PDE3A: variants seen among roughly 807,000 people sequenced by gnomAD.
PDE3A encodes the protein phosphodiesterase 3A, also known as cGMP-inhibited 3',5'-cyclic phosphodiesterase 3A.
In PDE3A, 43 loss-of-function variants were observed where a neutral mutation model predicts 98.3. That is an observed-to-expected ratio of 0.44 (90% CI 0.34 to 0.56). PDE3A has a LOEUF of 0.56. Ranked by LOEUF, PDE3A falls within the 20% of genes least tolerant of loss-of-function variation. The pLI, the probability that PDE3A is intolerant of heterozygous loss-of-function variation, is 0.01. For missense variants in PDE3A, 1,427 were observed against 1,440.7 expected, an observed-to-expected ratio of 0.99 and a Z score of 0.15; for synonymous variants, 663 against 567.9, an observed-to-expected ratio of 1.17 and a Z score of -2.38.
At chr12:20,373,736 G>T (rs1943522091) in intron 1 of PDE3A, among the ~76,000 whole-genome samples, 1 of 152,040 alleles carries the variant, frequency 6.6e-6, no homozygotes, top group Non-Finnish European at 1.5e-5. Flanking sequence ...TTTTGGGATG[G>T]ATACAACATC....
chr12:20,556,691 G>A lies in PDE3A; in HGVS notation c.992G>A (p.Arg331Gln), dbSNP rs180961472. 22 of 1,609,458 alleles carry A rather than the reference G, an allele frequency of 1.4e-5. No individual in the cohort carries two copies. Among genetic ancestry groups the A allele is most frequent in the Middle Eastern group, 1.7e-4 (1 of 6,058 alleles). ...GGGCATTCAGAATGGGACCACAAAC[G>A]AGGGCCAAGAGGATCACAGGTAAGT... ...LMGHSEWDHKRGPRGSQSSGT... is the reference protein window; with the variant it reads ...LMGHSEWDHKQGPRGSQSSGT... Residue 331 changes from arginine (R) to glutamine (Q), a missense_variant, in exon 2 of 16, where the codon CGA becomes CAA. Physicochemically the swap from Arg to Gln is conservative, Grantham distance 43. Around this residue, in one of 3 missense-constraint regions of PDE3A, gnomAD observed 1,012 missense variants for 886.5 expected, o/e 1.14. Transcript: ENST00000359062.
intron 1 of PDE3A, among the ~76,000 whole-genome samples, chr12:20,373,976 T>G (rs530465639): frequency 6.6e-6 from 1 of 152,292 alleles, no homozygotes; most frequent in East Asian, 1.9e-4. Flanking sequence ...TGCCTGTCAA[T>G]GTAACATATT....
intron 15 of PDE3A, among the ~76,000 whole-genome samples, chr12:20,654,752 T>G (rs758006958): frequency 6.6e-6 from 1 of 150,436 alleles, no homozygotes; most frequent in Non-Finnish European, 1.5e-5. Context: ...GACCTTGTGA[T>G]CTGCCTGCCT....
At chr12:20,577,899 G>T (rs1484549240) in intron 2 of PDE3A, among the ~76,000 whole-genome samples, 5 of 152,282 alleles carry the variant, frequency 3.3e-5, no homozygotes, top group African/African-American at 1.2e-4. Context: ...TGAAGTAGTA[G>T]TTTTCAAAAG....
At chr12:20,608,575 G>A (rs902513076) in intron 2 of PDE3A, among the ~76,000 whole-genome samples, 1 of 151,888 alleles carries the variant, frequency 6.6e-6, no homozygotes, top group Non-Finnish European at 1.5e-5. Flanking sequence ...CTGTGACATT[G>A]ACTTATAAAG....
At chr12:20,391,515 T>C (rs1238487758) in intron 1 of PDE3A, among the ~76,000 whole-genome samples, 2 of 151,382 alleles carry the variant, frequency 1.3e-5, no homozygotes, top group Non-Finnish European at 2.9e-5. Context: ...TTTCCCACAT[T>C]GTACAATCTT....
intron 1 of PDE3A, among the ~76,000 whole-genome samples, chr12:20,399,068 T>C (rs1420300075): frequency 6.6e-6 from 1 of 152,202 alleles, no homozygotes; most frequent in African/African-American, 2.4e-5. Context: ...AGTGGATTCA[T>C]GATGTTTGTC....
At chr12:20,458,723 G>C (rs1945195309) in intron 1 of PDE3A, among the ~76,000 whole-genome samples, 1 of 152,130 alleles carries the variant, frequency 6.6e-6, no homozygotes, top group Non-Finnish European at 1.5e-5. Flanking sequence ...AGGAAGACAA[G>C]CTGTCCTTCC....
At chr12:20,669,851 A>C (rs1458513283) in intron 15 of PDE3A, among the ~76,000 whole-genome samples, 1 of 152,092 alleles carries the variant, frequency 6.6e-6, no homozygotes, top group Middle Eastern at 3.2e-3. Flanking sequence ...ACATAACAAT[A>C]TTAACTTTAA....
At chr12:20,665,438 A>T (rs1945284526) in intron 15 of PDE3A, among the ~76,000 whole-genome samples, 5 of 152,174 alleles carry the variant, frequency 3.3e-5, no homozygotes. Flanking sequence ...GAAAACTTTG[A>T]ATCATTTGGT....
chr12:20,589,871 A>G (rs1486044240), intron 2 of PDE3A, among the ~76,000 whole-genome samples: 3 of 146,268 alleles, frequency 2.1e-5, no homozygotes, highest in Non-Finnish European at 4.5e-5. Flanking sequence ...TGCATCTTAA[A>G]AAAAAAAAAA....
At chr12:20,579,998 TAGTATTTGGGATGTACAAATGAG>T (rs1457371202) in intron 2 of PDE3A, among the ~76,000 whole-genome samples, 1 of 152,174 alleles carries the variant, frequency 6.6e-6, no homozygotes, top group East Asian at 1.9e-4. Context: ...GAAAAAAACC[TAGTATTTGGGATGTACAAATGAG>T]ACCATGCACG....
intron 1 of PDE3A, among the ~76,000 whole-genome samples, chr12:20,516,027 C>A (rs1253669101): frequency 6.7e-6 from 1 of 150,062 alleles, no homozygotes; most frequent in Non-Finnish European, 1.5e-5. Flanking sequence ...CCACCGCGCC[C>A]GGCCTATTTT....
chr12:20,370,385 G>C, intron 1 of PDE3A, 141 bp downstream of exon 1: 1 of 530,900 alleles, frequency 1.9e-6, no homozygotes. Flanking sequence ...TAAGAAACTA[G>C]CAGGTTTTTT....
rs1945951336 is a variant in PDE3A, at chr12:20,686,011, T to G, written c.*5740T>G. On this transcript the variant is annotated 3_prime_UTR_variant, in exon 16 of 16. Transcript: ENST00000359062. ...TTAAAATGAAACCCACAAAATGACA[T>G]TCCGTGGTACTGAGTATTTTCACAT... is the stretch of plus-strand genomic sequence containing the variant. 6.6e-6 allele frequency among the ~76,000 whole-genome samples: 1 copy of G among 152,166 alleles called. No homozygotes were observed. The highest frequency in any genetic ancestry group is 2.1e-4 in the South Asian group (1 of 4,830).
intron 1 of PDE3A, among the ~76,000 whole-genome samples, chr12:20,454,243 A>C (rs1940594300): frequency 1.3e-5 from 2 of 152,104 alleles, no homozygotes; most frequent in South Asian, 4.1e-4. Flanking sequence ...CCTGGAATGT[A>C]CTTTTTTCCA....
intron 2 of PDE3A, among the ~76,000 whole-genome samples, chr12:20,596,825 C>T (rs529062489): frequency 5.3e-5 from 8 of 151,966 alleles, no homozygotes; most frequent in African/African-American, 1.9e-4. Flanking sequence ...AACAAGTTCC[C>T]CTTAATAATC....
chr12:20,537,686 TA>T (rs1306552446), intron 1 of PDE3A, among the ~76,000 whole-genome samples: 1 of 152,092 alleles, frequency 6.6e-6, no homozygotes, highest in Non-Finnish European at 1.5e-5. Flanking sequence ...TATTCTATTT[TA>T]AAAATAACAT....
chr12:20,628,408 G>A (rs967344600), intron 5 of PDE3A, among the ~76,000 whole-genome samples: 2 of 152,234 alleles, frequency 1.3e-5, no homozygotes, highest in South Asian at 2.1e-4. Context: ...CAGGCATGAC[G>A]TAAGGAGCAA....
Sources: allele counts gnomAD v4.1 joint callset (sites outside exome capture counted in the v4.1 genomes callset), GRCh38; gene constraint gnomAD v4.1.1; regional missense constraint gnomAD v4.1.1; transcripts MANE v1.5; gene names NCBI Gene and HGNC (gene_info 2026-07-23, HGNC 2026-07-21).